The following FAM171A1 variants were observed in gnomAD, a reference collection of about 807,000 sequenced individuals.
FAM171A1 encodes the protein protein FAM171A1.
Under a neutral mutation model 74.9 loss-of-function variants are expected in FAM171A1, and 23 were observed. The ratio of observed to expected loss-of-function variants is 0.31; its 90% CI spans 0.22 to 0.44. FAM171A1 has a LOEUF of 0.44. FAM171A1 is among the 20% of genes least tolerant of loss of function. The pLI is 1.00. For synonymous variants in FAM171A1, 527 were observed against 505.7 expected, an observed-to-expected ratio of 1.04 and a Z score of -0.57; for missense variants, 1,162 against 1,159.2, an observed-to-expected ratio of 1.00 and a Z score of -0.03.
At chr10:15,295,785 G>T (rs1308220720) in intron 1 of FAM171A1, among the ~76,000 whole-genome samples, 1 of 152,210 alleles carries the variant, frequency 6.6e-6, no homozygotes, top group Non-Finnish European at 1.5e-5. Context: ...AAGTAGCCCA[G>T]CACTCCTGTG....
intron 2 of FAM171A1, among the ~76,000 whole-genome samples, chr10:15,280,228 G>C (rs972374699): frequency 1.3e-5 from 2 of 152,216 alleles, no homozygotes; most frequent in African/African-American, 4.8e-5. Flanking sequence ...GAGGTGGCCA[G>C]GGGAGGAGGC....
intron 1 of FAM171A1, among the ~76,000 whole-genome samples, chr10:15,330,052 C>A (rs998617338): frequency 6.6e-6 from 1 of 151,996 alleles, no homozygotes; most frequent in African/African-American, 2.4e-5. Context: ...AAACATTTTC[C>A]CTGTGAGGGC....
At chr10:15,309,963 G>A (rs987624844) in intron 1 of FAM171A1, among the ~76,000 whole-genome samples, 11 of 152,178 alleles carry the variant, frequency 7.2e-5, no homozygotes, top group African/African-American at 2.7e-4. Flanking sequence ...AATCTCTAAC[G>A]TTTGTAGTCT....
chr10:15,231,342 C>A (rs1317776377), intron 5 of FAM171A1, among the ~76,000 whole-genome samples: 1 of 151,974 alleles, frequency 6.6e-6, no homozygotes, highest in Non-Finnish European at 1.5e-5. Context: ...TAGCTAGGAC[C>A]ACAGACACAT....
intron 1 of FAM171A1, among the ~76,000 whole-genome samples, chr10:15,324,221 C>A (rs574384688): frequency 6.6e-6 from 1 of 152,080 alleles, no homozygotes; most frequent in East Asian, 1.9e-4. Context: ...TTGCTGCATG[C>A]GCAACTGAGA....
At chr10:15,355,486 G>C (rs1189234051) in intron 1 of FAM171A1, among the ~76,000 whole-genome samples, 1 of 152,146 alleles carries the variant, frequency 6.6e-6, no homozygotes, top group African/African-American at 2.4e-5. Flanking sequence ...GGGAGGCCGA[G>C]GCAGGTAGAT....
chr10:15,312,290 G>A (rs1447237071), intron 1 of FAM171A1, among the ~76,000 whole-genome samples: 1 of 145,444 alleles, frequency 6.9e-6, no homozygotes, highest in Non-Finnish European at 1.6e-5. Flanking sequence ...ATGGAGAGAC[G>A]CTCACTCCAA....
chr10:15,364,355 C>T (rs527962043), intron 1 of FAM171A1, among the ~76,000 whole-genome samples: 1 of 152,254 alleles, frequency 6.6e-6, no homozygotes. Flanking sequence ...AACAGTTATT[C>T]TGGTGATGGT....
chr10:15,350,926 A>T (rs1378253905), intron 1 of FAM171A1, among the ~76,000 whole-genome samples: 5 of 152,120 alleles, frequency 3.3e-5, no homozygotes, highest in Non-Finnish European at 5.9e-5. Flanking sequence ...TACAGGTGTG[A>T]GCCACCATGC....
intron 1 of FAM171A1, among the ~76,000 whole-genome samples, chr10:15,296,786 C>A (rs1394422778): frequency 6.6e-6 from 1 of 152,182 alleles, no homozygotes; most frequent in Non-Finnish European, 1.5e-5. Flanking sequence ...TGGAAGTTTA[C>A]AGTCTCTAGA....
chr10:15,229,214 C>T (rs1834150864), intron 5 of FAM171A1, among the ~76,000 whole-genome samples: 2 of 152,166 alleles, frequency 1.3e-5, no homozygotes, highest in South Asian at 4.1e-4. Context: ...GTCACTTGTG[C>T]TGGTGCAGGC....
chr10:15,293,135 A>G (rs1245463336), intron 1 of FAM171A1, among the ~76,000 whole-genome samples: 1 of 152,100 alleles, frequency 6.6e-6, no homozygotes, highest in Non-Finnish European at 1.5e-5. Flanking sequence ...TTCTTCATTC[A>G]CACATCCTAA....
Position 15,213,496 on chromosome 10 carries a change from C to T in FAM171A1, c.2092G>A (p.Gly698Ser). 6.2e-7 allele frequency: 1 copy of T among 1,614,136 alleles called. No individual in the cohort carries two copies. Among genetic ancestry groups the T allele is most frequent in the Non-Finnish European group, 8.5e-7 (1 of 1,180,032 alleles). Residue 698 changes from glycine (G) to serine (S), a missense_variant, in exon 8 of 8, where the codon GGT (glycine) becomes AGT (serine). By Grantham distance (56) the Gly-to-Ser change is moderately conservative. Transcript: ENST00000378116. The surrounding 1 kb of genome is among the most constrained non-coding windows in gnomAD (Gnocchi z 6.8). ...CGGGGGTGCGGAAGCGGCTTCCCAC[C>T]CCCAAGCTCCATCAGGGCCTTTTCA... ...LTEKALMELG[G>S]GKPLPHPRAW...
At chr10:15,323,662 G>T (rs1411954058) in intron 1 of FAM171A1, among the ~76,000 whole-genome samples, 1 of 151,954 alleles carries the variant, frequency 6.6e-6, no homozygotes, top group Non-Finnish European at 1.5e-5. Context: ...CATTTTAATG[G>T]CATCAGGCTA....
At chr10:15,337,073 A>G (rs6602839) in intron 1 of FAM171A1, among the ~76,000 whole-genome samples, 148,795 of 150,978 alleles carry the variant, frequency 0.99, 73,346 homozygotes, top group East Asian at 1. Context: ...TAGAGGTGGT[A>G]TCTCACTATG....
chr10:15,288,238 A>G (rs1478733819), intron 1 of FAM171A1, among the ~76,000 whole-genome samples: 1 of 152,200 alleles, frequency 6.6e-6, no homozygotes, highest in Non-Finnish European at 1.5e-5. Context: ...ATATGCAAGC[A>G]TCTTTTTCAC....
At chr10:15,233,903 C>CAAAAAAAA (rs915508767) in intron 5 of FAM171A1, among the ~76,000 whole-genome samples, 5 of 129,174 alleles carry the variant, frequency 3.9e-5, no homozygotes, top group African/African-American at 8.8e-5. Context: ...TCCGTCTCAC[C>CAAAAAAAA]AAAAAAAAAA....
intron 1 of FAM171A1, among the ~76,000 whole-genome samples, chr10:15,307,114 G>A (rs1287154746): frequency 6.6e-6 from 1 of 152,186 alleles, no homozygotes; most frequent in Non-Finnish European, 1.5e-5. Context: ...GGAGCATGAG[G>A]ATGACACCAT....
At chr10:15,238,299 C>G (rs74349878) in intron 5 of FAM171A1, among the ~76,000 whole-genome samples, 3 of 152,078 alleles carry the variant, frequency 2.0e-5, no homozygotes, top group African/African-American at 7.2e-5. Context: ...TTTAGGTTCG[C>G]GGCAAAACTG....
Sources: allele counts gnomAD v4.1 joint callset (sites outside exome capture counted in the v4.1 genomes callset), GRCh38; gene constraint gnomAD v4.1.1; non-coding constraint Gnocchi (gnomAD v3.1); transcripts MANE v1.5; gene names NCBI Gene and HGNC (gene_info 2026-07-23, HGNC 2026-07-21).